Variants in HECW1 observed in about 807,000 individuals in gnomAD.
The protein encoded by HECW1 is E3 ubiquitin-protein ligase HECW1.
A neutral mutation model predicts 182.3 loss-of-function variants in HECW1; 61 were observed. The observed-to-expected ratio is 0.33, with a 90% CI of 0.27 to 0.41. The LOEUF is 0.41. Among genes scored for constraint, HECW1 ranks in the 10% least tolerant of loss-of-function variants. HECW1 has a pLI of 1.00. For missense variants in HECW1, 1,739 were observed against 2,108.9 expected (o/e 0.82, Z 3.44); for synonymous variants, 859 against 832.6 (o/e 1.03, Z -0.55).
intron 2 of HECW1, chr7:43,122,057 C>G (rs1175375680): frequency 6.6e-6 from 1 of 152,204 alleles, no homozygotes; most frequent in Non-Finnish European, 1.5e-5. Flanking sequence ...TCCACAAGGA[C>G]AGATTTTTAT....
chr7:43,291,915 A>G (rs1562791079), intron 3 of HECW1, among the ~76,000 whole-genome samples: 1 of 152,214 alleles, frequency 6.6e-6, no homozygotes, highest in Non-Finnish European at 1.5e-5. Context: ...GGCCCAGTTA[A>G]GATTAGGAGG....
chr7:43,303,558 C>A (rs888040007), intron 3 of HECW1, among the ~76,000 whole-genome samples: 8 of 152,048 alleles, frequency 5.3e-5, no homozygotes, highest in African/African-American at 1.9e-4. Context: ...TTAAAATTTT[C>A]TCCCCCTAAT....
chr7:43,310,780 G>T (rs914932889), intron 3 of HECW1, among the ~76,000 whole-genome samples: 1 of 152,184 alleles, frequency 6.6e-6, no homozygotes, highest in African/African-American at 2.4e-5. Flanking sequence ...AGAAGTTACA[G>T]TTCCTGGGAT....
At chr7:43,195,282 G>C (rs545703074) in intron 2 of HECW1, among the ~76,000 whole-genome samples, 6 of 152,224 alleles carry the variant, frequency 3.9e-5, no homozygotes, top group South Asian at 2.1e-4. Context: ...TCGCAAAGCT[G>C]TGCACTGCAC....
At chr7:43,301,680 C>G (rs1049187754) in intron 3 of HECW1, among the ~76,000 whole-genome samples, 13 of 152,222 alleles carry the variant, frequency 8.5e-5, no homozygotes, top group African/African-American at 2.2e-4. Context: ...CAAGACCAGC[C>G]TGGCCAACAT....
intron 3 of HECW1, among the ~76,000 whole-genome samples, chr7:43,273,373 A>G (rs1032446879): frequency 2.0e-5 from 3 of 152,222 alleles, no homozygotes; most frequent in African/African-American, 4.8e-5. Flanking sequence ...GTATGAGTGC[A>G]GCAACATAAT....
At chr7:43,284,993 T>C (rs1804430435) in intron 3 of HECW1, among the ~76,000 whole-genome samples, 1 of 125,384 alleles carries the variant, frequency 8.0e-6, no homozygotes. Context: ...GTGCTTTCTG[T>C]ATGGATTTTT....
chr7:43,307,820 G>A lies in HECW1; in HGVS notation c.28-3943G>A, dbSNP rs572569696. The stretch of plus-strand genomic sequence containing the variant: ...ACCAAAACAAAATAAAATAAAAATG[G>A]GGTAAATAGGTGAGGGATGGATGTG... On this transcript the variant is annotated intron_variant, in intron 3 of 29. Coordinates refer to ENST00000395891, the MANE Select transcript of HECW1 (RefSeq NM_015052.5). Among the ~76,000 whole-genome samples, 4 of 148,006 alleles carry A rather than the reference G, an allele frequency of 2.7e-5. No homozygotes were observed. In the East Asian group the frequency reaches 5.9e-4, roughly 22 times the overall value.
At chr7:43,501,840 A>T (rs1469580320) in intron 21 of HECW1, among the ~76,000 whole-genome samples, 1 of 152,008 alleles carries the variant, frequency 6.6e-6, no homozygotes, top group Non-Finnish European at 1.5e-5. Context: ...AAAAAAAAAT[A>T]AAAAAGAAAG....
chr7:43,280,527 G>A (rs776439049), intron 3 of HECW1, among the ~76,000 whole-genome samples: 1 of 152,156 alleles, frequency 6.6e-6, no homozygotes, highest in Non-Finnish European at 1.5e-5. Context: ...TCTTTTATTT[G>A]ATGAATTGTA....
rs1303274874 is a variant in HECW1, at chr7:43,374,799, A to AAAAAAAAAAAAAAAAC, written c.555+13820_555+13821insAAAAAAAAAAAAAACA. Among the ~76,000 whole-genome samples the AAAAAAAAAAAAAAAAC allele has an allele frequency of 6.7e-4, 36 of 54,066 alleles. 8 individuals carry two copies. The highest frequency in any genetic ancestry group is 8.3e-4 in the Non-Finnish European group (28 of 33,844). The allele number at this position is 54,066 out of a possible 152,430, so 35.5% of individuals were successfully genotyped here. ...AAAAAAAAAAAAAAAAAAAAAAAAA[A>AAAAAAAAAAAAAAAAC]ATAGAGAAATATAATAACCAGTGAA... On this transcript the variant is annotated intron_variant, in intron 6 of 29. Coordinates refer to ENST00000395891, the MANE Select transcript of HECW1 (RefSeq NM_015052.5).
At chr7:43,327,183 TGAACCCCACC>T (rs35731936) in intron 5 of HECW1, among the ~76,000 whole-genome samples, 21,583 of 152,226 alleles carry the variant, frequency 0.14, 1,714 homozygotes, top group African/African-American at 0.22. Context: ...ATGAGGAGAC[TGAACCCCACC>T]TGTGCAACGT....
In HECW1 at chr7:43,553,843, T is replaced by C. The variant is rs542917538; in HGVS notation, c.4511-749T>C. ...TTTTTCCTGCCAGGAATGTCCTCCT[T>C]CTTCCCTCCACTTGCACAAGCCCTT... On this transcript the variant is annotated intron_variant, in intron 28 of 29. Transcript: ENST00000395891. Among the ~76,000 whole-genome samples, 367 of 152,298 alleles carry C rather than the reference T, an allele frequency of 2.4e-3. 1 individual carries two copies. Among genetic ancestry groups the C allele is most frequent in the Non-Finnish European group, 3.9e-3 (266 of 68,020 alleles).
chr7:43,279,787 T>G (rs571788540), intron 3 of HECW1, among the ~76,000 whole-genome samples: 1 of 152,342 alleles, frequency 6.6e-6, no homozygotes, highest in Non-Finnish European at 1.5e-5. Flanking sequence ...TGTATTTGTT[T>G]CCTTGACTGT....
intron 6 of HECW1, among the ~76,000 whole-genome samples, chr7:43,371,030 G>A (rs1175762904): frequency 6.6e-6 from 1 of 151,984 alleles, no homozygotes; most frequent in Non-Finnish European, 1.5e-5. Context: ...TGGGACTACA[G>A]GTGCCCGCCA....
In HECW1 at chr7:43,565,680, G is replaced by A. The variant is rs1247961524; in HGVS notation, c.*3754G>A. On this transcript the variant is annotated 3_prime_UTR_variant, in exon 30 of 30. Coordinates refer to ENST00000395891, the MANE Select transcript of HECW1 (RefSeq NM_015052.5). The stretch of plus-strand genomic sequence containing the variant: ...GGATGGATGTTCCAGCCATCATAAG[G>A]TCCAAAAGAAAAGAGAAAGTGTTAT... The A allele has an allele frequency of 5.5e-6, 1 of 181,188 alleles. No homozygotes were observed. Among genetic ancestry groups the A allele is most frequent in the East Asian group, 9.0e-5 (1 of 11,094 alleles). 11.2% of individuals were successfully genotyped at this position (181,188 alleles called of 1,614,324 possible). A position where few individuals can be genotyped will look rare whatever the true frequency, so the allele number is the denominator to read the frequency against.
At chr7:43,213,029 G>A (rs908049033) in intron 2 of HECW1, among the ~76,000 whole-genome samples, 1 of 151,746 alleles carries the variant, frequency 6.6e-6, no homozygotes, top group Non-Finnish European at 1.5e-5. Context: ...ATCAGTAAAA[G>A]CGTAATGAAA....
At chr7:43,474,390 A>G (rs974136962) in intron 16 of HECW1, among the ~76,000 whole-genome samples, 2 of 152,206 alleles carry the variant, frequency 1.3e-5, no homozygotes. Context: ...CAGAGCTTGC[A>G]GTGAGCCGAG....
At chr7:43,138,501 CCTTT>C (rs1787810266) in intron 2 of HECW1, among the ~76,000 whole-genome samples, 2 of 152,156 alleles carry the variant, frequency 1.3e-5, no homozygotes, top group African/African-American at 4.8e-5. Flanking sequence ...ATTGTCGTGT[CCTTT>C]CTTCCACATT....
Sources: gnomAD v4.1 joint callset for allele counts (sites outside exome capture counted in the v4.1 genomes callset) on GRCh38, gnomAD v4.1.1 for gene constraint, MANE v1.5 for transcripts, NCBI Gene and HGNC (gene_info 2026-07-23, HGNC 2026-07-21) for gene names.